PLCB1: variants seen among roughly 807,000 people sequenced by gnomAD.
The protein encoded by PLCB1 is phospholipase C beta 1.
PLCB1 carries 46 observed loss-of-function variants against 161.8 expected under a neutral mutation model. The ratio of observed to expected loss-of-function variants is 0.28; its 90% CI spans 0.22 to 0.36. The LOEUF is 0.36. Among genes scored for constraint, PLCB1 ranks in the 10% least tolerant of loss-of-function variants. The probability of loss-of-function intolerance (pLI) is 1.00; values close to 1 mark genes in which losing one functional copy is unlikely to be tolerated. For synonymous variants in PLCB1, 517 were observed against 503.7 expected (o/e 1.03, Z -0.35); for missense variants, 1,016 against 1,472.5 (o/e 0.69, Z 5.07).
chr20:8,367,908 G>A (rs192758067), intron 2 of PLCB1, among the ~76,000 whole-genome samples: 6 of 152,288 alleles, frequency 3.9e-5, no homozygotes, highest in African/African-American at 1.4e-4. Context: ...ATAGAAGTGG[G>A]AGACACTATT....
At chr20:8,468,227 C>G (rs992900520) in intron 3 of PLCB1, among the ~76,000 whole-genome samples, 1 of 152,124 alleles carries the variant, frequency 6.6e-6, no homozygotes, top group African/African-American at 2.4e-5. Context: ...ATATTTTGAT[C>G]TAGGTAGTAG....
chr20:8,722,180 A>C (rs560093228), intron 14 of PLCB1, among the ~76,000 whole-genome samples, 174 bp from the exon 15 acceptor site: 1 of 152,304 alleles, frequency 6.6e-6, no homozygotes, highest in East Asian at 1.9e-4. Context: ...TATATTCAAA[A>C]TGTCAGTATA....
At chr20:8,532,752 GAAGA>G (rs1984863469) in intron 3 of PLCB1, among the ~76,000 whole-genome samples, 1 of 152,046 alleles carries the variant, frequency 6.6e-6, no homozygotes, top group African/African-American at 2.4e-5. Flanking sequence ...GAGGGAGGAA[GAAGA>G]AAGAGACCTG....
intron 3 of PLCB1, among the ~76,000 whole-genome samples, chr20:8,403,082 G>C (rs1978635903): frequency 6.6e-6 from 1 of 152,082 alleles, no homozygotes; most frequent in Admixed American, 6.5e-5. Context: ...AACTCTTTGT[G>C]AGTTAGAACT....
intron 2 of PLCB1, among the ~76,000 whole-genome samples, chr20:8,278,701 A>T (rs1982719396): frequency 6.6e-6 from 1 of 152,124 alleles, no homozygotes; most frequent in African/African-American, 2.4e-5. Context: ...CAAGGGCACT[A>T]GGGACTTGGA....
At chr20:8,248,285 C>A (rs1301298726) in intron 2 of PLCB1, among the ~76,000 whole-genome samples, 2 of 151,886 alleles carry the variant, frequency 1.3e-5, no homozygotes, top group Non-Finnish European at 2.9e-5. Context: ...TATGGGCCCT[C>A]CTGGGTGGGC....
At chr20:8,289,697 C>T (rs1379295433) in intron 2 of PLCB1, among the ~76,000 whole-genome samples, 1 of 152,102 alleles carries the variant, frequency 6.6e-6, no homozygotes, top group Non-Finnish European at 1.5e-5. Context: ...AAAGACAATG[C>T]ATCCCTCTGG....
intron 2 of PLCB1, among the ~76,000 whole-genome samples, chr20:8,190,255 A>G (rs2051953213): frequency 6.6e-6 from 1 of 152,216 alleles, no homozygotes; most frequent in South Asian, 2.1e-4. Context: ...CTGGTTAATA[A>G]TTAAGCAAGT....
At chr20:8,426,654 T>C (rs958717088) in intron 3 of PLCB1, among the ~76,000 whole-genome samples, 1 of 152,158 alleles carries the variant, frequency 6.6e-6, no homozygotes, top group Admixed American at 6.5e-5. Flanking sequence ...CTGTATGGTA[T>C]TGGGGTTCTT....
intron 2 of PLCB1, among the ~76,000 whole-genome samples, chr20:8,325,663 A>C (rs1985122862): frequency 6.6e-6 from 1 of 152,214 alleles, no homozygotes; most frequent in African/African-American, 2.4e-5. Context: ...GACACGTGTA[A>C]GGCCACACAC....
At chr20:8,526,076 A>G (rs900534510) in intron 3 of PLCB1, among the ~76,000 whole-genome samples, 3 of 152,144 alleles carry the variant, frequency 2.0e-5, no homozygotes, top group African/African-American at 7.2e-5. Flanking sequence ...AATATCCTAT[A>G]TCATGATCAG....
Position 8,646,197 on chromosome 20 carries a change from T to C in PLCB1, c.464+16T>C, listed in dbSNP as rs1198398829. 6.4e-7 allele frequency: 1 copy of C among 1,559,020 alleles called. No homozygotes were observed. Among genetic ancestry groups the C allele is most frequent in the Admixed American group, 1.7e-5 (1 of 59,948 alleles). On this transcript the variant is annotated intron_variant, in intron 5 of 31. Coordinates refer to ENST00000338037, the MANE Select transcript of PLCB1 (RefSeq NM_015192.4). The stretch of plus-strand genomic sequence containing the variant: ...TGGAAAAAGCGTAAGTCACTCTAAT[T>C]TTATTGCTAAGGGCGTTGCTTCTTC...
chr20:8,673,950 TC>T (rs1990012156), intron 9 of PLCB1, among the ~76,000 whole-genome samples: 1 of 152,080 alleles, frequency 6.6e-6, no homozygotes, highest in Admixed American at 6.5e-5. Context: ...AGCCCCCTCT[TC>T]CCAAGGGCGC....
At chr20:8,816,003 G>T (rs972530515) in intron 31 of PLCB1, among the ~76,000 whole-genome samples, 5 of 152,094 alleles carry the variant, frequency 3.3e-5, no homozygotes, top group African/African-American at 4.8e-5. Flanking sequence ...ATATTTAATG[G>T]TATCTTATAA....
At chr20:8,684,229 A>ATTATTTAT (rs111508342) in intron 9 of PLCB1, among the ~76,000 whole-genome samples, 7,027 of 145,186 alleles carry the variant, frequency 0.048, 206 homozygotes, top group East Asian at 0.16. Context: ...CCACTTGTAA[A>ATTATTTAT]TTATTTATTT....
At position 8,390,670 on chromosome 20, in the gene PLCB1, C is replaced by T. The variant is rs188137434; in HGVS notation, c.246+19220C>T. On this transcript the variant is annotated intron_variant, in intron 3 of 31. Coordinates refer to ENST00000338037, the MANE Select transcript of PLCB1 (RefSeq NM_015192.4). ...GAATCATTTCAGAAATACACAATTG[C>T]TTTTGCAGAGTGGCTTTAGTACAGA... 1.5e-3 allele frequency among the ~76,000 whole-genome samples: 227 copies of T among 152,238 alleles called. 1 individual carries two copies. Among genetic ancestry groups the T allele is most frequent in the Non-Finnish European group, 2.7e-3 (181 of 68,002 alleles).
chr20:8,617,306 A>G (rs1316881781), intron 3 of PLCB1, among the ~76,000 whole-genome samples: 1 of 152,222 alleles, frequency 6.6e-6, no homozygotes, highest in East Asian at 1.9e-4. Context: ...AAAGCTAAAT[A>G]AATTATACTA....
At chr20:8,826,160 C>T (rs867740979) in intron 31 of PLCB1, among the ~76,000 whole-genome samples, 1 of 151,990 alleles carries the variant, frequency 6.6e-6, no homozygotes, top group African/African-American at 2.4e-5. Flanking sequence ...GTGAGTCATA[C>T]ATAAAATGGA....
intron 31 of PLCB1, among the ~76,000 whole-genome samples, chr20:8,824,981 G>T (rs887566844): frequency 1.3e-5 from 2 of 152,148 alleles, no homozygotes; most frequent in African/African-American, 4.8e-5. Flanking sequence ...CATTGGAGTA[G>T]CTTGGGCTTG....
Sources: gnomAD v4.1 joint callset for allele counts (sites outside exome capture counted in the v4.1 genomes callset) on GRCh38, gnomAD v4.1.1 for gene constraint, MANE v1.5 for transcripts, NCBI Gene and HGNC (gene_info 2026-07-23, HGNC 2026-07-21) for gene names.